RARS2: variants seen among roughly 807,000 people sequenced by gnomAD.
RARS2 encodes the protein probable arginine--tRNA ligase, mitochondrial.
Under a neutral mutation model 88.5 loss-of-function variants are expected in RARS2, and 67 were observed. That is an observed-to-expected ratio of 0.76 (90% confidence interval 0.62 to 0.93). RARS2 has a LOEUF of 0.93. Among genes scored for constraint, RARS2 ranks in the 40% least tolerant of loss-of-function variants. The pLI is 0.00. For synonymous variants in RARS2, 239 were observed against 230.3 expected, an observed-to-expected ratio of 1.04 and a Z score of -0.34; for missense variants, 664 against 684.2, an observed-to-expected ratio of 0.97 and a Z score of 0.33.
rs1399333767 is a variant in RARS2, at chr6:87,562,736, A to ACAGT, written c.259_262dup (p.Val88AspfsTer21). ...GAGCTCTCTGTTTATTTTGAAATTTACAGTCCTTTGACCAGTACTGATTTC... is the reference window on the plus strand; with the variant it reads ...GAGCTCTCTGTTTATTTTGAAATTTACAGTCAGTCCTTTGACCAGTACTGATTTC... On this transcript the variant is annotated frameshift_variant, in exon 4 of 20. Transcript: ENST00000369536. LOFTEE classifies it high-confidence loss of function. 2 of 1,613,416 alleles carry ACAGT rather than the reference A, an allele frequency of 1.2e-6. No individual in the cohort carries two copies. Among genetic ancestry groups the ACAGT allele is most frequent in the East Asian group, 4.5e-5 (2 of 44,860 alleles).
At chr6:87,551,549 G>A (rs776594929) in intron 5 of RARS2, among the ~76,000 whole-genome samples, 1 of 145,174 alleles carries the variant, frequency 6.9e-6, no homozygotes, top group Non-Finnish European at 1.5e-5. Flanking sequence ...AGAATTGCTT[G>A]AACCGGGGAG....
At chr6:87,575,787 A>G (rs1262508523) in intron 1 of RARS2, among the ~76,000 whole-genome samples, 1 of 152,026 alleles carries the variant, frequency 6.6e-6, no homozygotes, top group Non-Finnish European at 1.5e-5. Flanking sequence ...ATAAAATCAA[A>G]GAACTAGACC....
intron 10 of RARS2, among the ~76,000 whole-genome samples, chr6:87,524,888 G>C (rs1375068899): frequency 1.3e-5 from 2 of 152,118 alleles, no homozygotes; most frequent in Non-Finnish European, 2.9e-5. Context: ...CTGTAGCTCT[G>C]GATAAGGTAC....
intron 1 of RARS2, among the ~76,000 whole-genome samples, chr6:87,589,193 T>C (rs550085762): frequency 6.6e-6 from 1 of 152,170 alleles, no homozygotes; most frequent in Non-Finnish European, 1.5e-5. Context: ...GTCTTAAAAA[T>C]TCTTTTTGAT....
At chr6:87,560,812 C>T (rs189066050) in intron 4 of RARS2, among the ~76,000 whole-genome samples, 40 of 152,228 alleles carry the variant, frequency 2.6e-4, no homozygotes, top group African/African-American at 9.6e-4. Context: ...CGCTTGAACC[C>T]GGGAGGTGGA....
At chr6:87,532,820 C>T (rs1428991424) in intron 8 of RARS2, among the ~76,000 whole-genome samples, 1 of 151,986 alleles carries the variant, frequency 6.6e-6, no homozygotes, top group Admixed American at 6.6e-5. Flanking sequence ...ATTAGTAAGT[C>T]CAGAACAACA....
rs1027469444 is a variant in RARS2 at position 87,516,585 on chromosome 6, T to G, written c.1586+221A>C. Among the ~76,000 whole-genome samples the G allele has an allele frequency of 3.9e-5, 6 of 152,240 alleles. No homozygotes were observed. In the East Asian group the frequency reaches 1.2e-3, roughly 29 times the overall value. On this transcript the variant is annotated intron_variant, in intron 18 of 19. Transcript: ENST00000369536. The stretch of plus-strand genomic sequence containing the variant: ...CATAACACATGCACTGTGCTGTAAC[T>G]GTAGTTGTCAGTTCCCATTCTCCAG...
intron 1 of RARS2, among the ~76,000 whole-genome samples, chr6:87,584,082 T>A (rs769943036): frequency 1.1e-4 from 16 of 152,216 alleles, no homozygotes; most frequent in Non-Finnish European, 2.1e-4. Flanking sequence ...ATAAAGATGG[T>A]TCCTCACTCC....
intron 10 of RARS2, among the ~76,000 whole-genome samples, chr6:87,525,709 G>A (rs1775447701): frequency 6.6e-6 from 1 of 152,056 alleles, no homozygotes. Flanking sequence ...ACCACGTCCA[G>A]TTAATTTTTG....
In RARS2 at chr6:87,541,957, C is replaced by T. The variant is rs746336588; in HGVS notation, c.573G>A (p.Glu191=). The T allele has an allele frequency of 1.1e-5, 17 of 1,613,722 alleles. No individual in the cohort carries two copies. The highest frequency in any genetic ancestry group is 1.4e-5 in the Non-Finnish European group (17 of 1,179,764). The part of the protein sequence containing the change: ...LGTGFQLFGY[E]EKLQSNPLQH... ...GTAGAGGATTGGACTGCAGTTTTTC[C>T]TCATAGCCAAACAGCTGGAAGCCAG... Residue 191 remains glutamate, a synonymous_variant, in exon 8 of 20, where the codon GAG becomes GAA. Coordinates refer to ENST00000369536, the MANE Select transcript of RARS2 (RefSeq NM_020320.5).
At chr6:87,543,750 G>A (rs184609468) in intron 7 of RARS2, among the ~76,000 whole-genome samples, 5 of 152,270 alleles carry the variant, frequency 3.3e-5, no homozygotes, top group Admixed American at 1.3e-4. Context: ...AAAGTGGGAC[G>A]TGACTGAACA....
chr6:87,562,830 C>A (rs763022146), intron 3 of RARS2, 45 bp from the exon 4 acceptor site: 17 of 1,419,902 alleles, frequency 1.2e-5, no homozygotes, highest in Non-Finnish European at 1.0e-6. Flanking sequence ...ATATAATAGG[C>A]CTAATGAGAT....
chr6:87,580,327 C>A (rs1171079922), intron 1 of RARS2, among the ~76,000 whole-genome samples: 1 of 152,018 alleles, frequency 6.6e-6, no homozygotes, highest in Non-Finnish European at 1.5e-5. Context: ...ATAAAATATC[C>A]TAAAAAGGTT....
At chr6:87,517,170 T>C (rs1339188067) in intron 17 of RARS2, among the ~76,000 whole-genome samples, 2 of 151,700 alleles carry the variant, frequency 1.3e-5, no homozygotes, top group African/African-American at 2.4e-5. Flanking sequence ...CCCAGCTACC[T>C]GGGAGGCTAA....
intron 2 of RARS2, among the ~76,000 whole-genome samples, chr6:87,568,933 A>G (rs1213592585): frequency 6.6e-6 from 1 of 152,220 alleles, no homozygotes; most frequent in Non-Finnish European, 1.5e-5. Context: ...CAAGTATTGA[A>G]GTTTTCTACC....
intron 7 of RARS2, among the ~76,000 whole-genome samples, chr6:87,542,734 G>GT (rs1562142895): frequency 1.4e-5 from 2 of 148,116 alleles, no homozygotes; most frequent in East Asian, 4.1e-4. Context: ...CAGTCTGGGA[G>GT]TATGTAGACT....
At chr6:87,557,505 TCTCTTTAACAATAACCCTCTATCTA>T (rs1786348384) in intron 4 of RARS2, among the ~76,000 whole-genome samples, 1 of 152,202 alleles carries the variant, frequency 6.6e-6, no homozygotes, top group South Asian at 2.1e-4. Flanking sequence ...AAGTTAGAAT[TCTCTTTAACAATAACCCTCTATCTA>T]CTGATTTATC....
At chr6:87,555,368 C>T (rs1322470617) in intron 5 of RARS2, 40 bp downstream of exon 5, 1 of 1,499,232 alleles carries the variant, frequency 6.7e-7, no homozygotes, top group African/African-American at 1.4e-5. Context: ...TCTGCCCAGT[C>T]AACTTGATTA....
intron 1 of RARS2, among the ~76,000 whole-genome samples, chr6:87,581,928 G>T (rs1407861458): frequency 6.6e-6 from 1 of 152,128 alleles, no homozygotes; most frequent in Non-Finnish European, 1.5e-5. Flanking sequence ...CAAAGGACAT[G>T]ATCTCGTTCC....
Sources: allele counts gnomAD v4.1 joint callset (sites outside exome capture counted in the v4.1 genomes callset), GRCh38; gene constraint gnomAD v4.1.1; transcripts MANE v1.5; gene names NCBI Gene and HGNC (gene_info 2026-07-23, HGNC 2026-07-21).